Variants in CTSO observed in about 807,000 individuals in gnomAD.
The protein encoded by CTSO is cathepsin O.
A neutral mutation model predicts 42.4 loss-of-function variants in CTSO; 40 were observed. The ratio of observed to expected loss-of-function variants is 0.94; its 90% CI spans 0.73 to 1.23. The LOEUF is 1.23. CTSO is among the 50% of genes most tolerant of loss of function. The probability of loss-of-function intolerance (pLI) is 0.00; values close to 1 mark genes in which losing one functional copy is unlikely to be tolerated. For missense variants in CTSO, 441 were observed against 396.0 expected (o/e 1.11, Z -0.96); for synonymous variants, 156 against 146.2 (o/e 1.07, Z -0.48).
Position 155,929,567 on chromosome 4 carries a change from A to G in CTSO, c.813T>C (p.Val271=), listed in dbSNP as rs1167697432. The change falls in exon 6 of 8, where the codon GTT becomes GTC. Residue 271 remains valine, a synonymous_variant. Transcript: ENST00000433477. ...CTGTTTTATCAAACCCAGTTATGAGAACTGCATGATTTGCTTCTCCACTAG... is the reference window on the plus strand; with the variant it reads ...CTGTTTTATCAAACCCAGTTATGAGGACTGCATGATTTGCTTCTCCACTAG... The part of the protein sequence containing the change: ...HCSSGEANHA[V]LITGFDKTGS... 5.0e-6 allele frequency: 8 copies of G among 1,613,596 alleles called. No individual in the cohort carries two copies. In the South Asian group the frequency reaches 7.7e-5, roughly 16 times the overall value.
intron 5 of CTSO, among the ~76,000 whole-genome samples, chr4:155,935,865 A>G (rs1743320574): frequency 6.6e-6 from 1 of 152,202 alleles, no homozygotes; most frequent in Admixed American, 6.5e-5. Context: ...TTAATCTTCA[A>G]TATAAACAAG....
intron 3 of CTSO, 144 bp downstream of exon 3, chr4:155,942,173 T>G: frequency 1.6e-6 from 1 of 618,524 alleles, no homozygotes; most frequent in Non-Finnish European, 2.5e-6. Flanking sequence ...CCTCCAGAGA[T>G]TCTCTTTTCA....
chr4:155,927,507 C>T (rs1263872717), intron 7 of CTSO, among the ~76,000 whole-genome samples: 6 of 152,154 alleles, frequency 3.9e-5, no homozygotes, highest in South Asian at 2.1e-4. Context: ...TGGTGGCTCA[C>T]GCCTGTAATC....
Position 155,925,953 on chromosome 4 carries a change from T to C in CTSO, c.*83A>G. 2.5e-6 allele frequency: 3 copies of C among 1,201,476 alleles called. No individual in the cohort carries two copies. In the South Asian group the frequency reaches 4.1e-5, roughly 16 times the overall value. The allele number at this position is 1,201,476 out of a possible 1,614,324, so 74.4% of individuals were successfully genotyped here. A position where few individuals can be genotyped will look rare whatever the true frequency, so the allele number is the denominator to read the frequency against. Reference sequence around the variant, plus strand: ...TGTAGGTAGTTGCTGAAACTTGAAGTTGAATAATACTTTGAAGTACTATGT... The same window carrying C: ...TGTAGGTAGTTGCTGAAACTTGAAGCTGAATAATACTTTGAAGTACTATGT... On this transcript the variant is annotated 3_prime_UTR_variant, in exon 8 of 8. Coordinates refer to ENST00000433477, the MANE Select transcript of CTSO (RefSeq NM_001334.3).
chr4:155,936,021 A>G (rs1020926673), intron 5 of CTSO, among the ~76,000 whole-genome samples: 1 of 151,780 alleles, frequency 6.6e-6, no homozygotes, highest in African/African-American at 2.4e-5. Flanking sequence ...ATGATAAGGG[A>G]TTCCCTTAAT....
In CTSO at chr4:155,937,459, A is replaced by T. The variant is rs535640319; in HGVS notation, c.577T>A (p.Ser193Thr). 1 of 1,613,218 alleles carries T rather than the reference A, an allele frequency of 6.2e-7. No individual in the cohort carries two copies. The highest frequency in any genetic ancestry group is 1.1e-5 in the South Asian group (1 of 90,908). ...TTTTGTGCTTTAAAAGGATATTCTG[A>T]ATCTTTCACCAGTTTTACTTGCATC... is the stretch of plus-strand genomic sequence containing the variant. Reference protein sequence around the residue: ...NKMQVKLVKDSEYPFKAQNGL... With the variant: ...NKMQVKLVKDTEYPFKAQNGL... Residue 193 changes from serine to threonine, a missense_variant, in exon 5 of 8, where the codon TCA (serine) becomes ACA (threonine). Coordinates refer to ENST00000433477, the MANE Select transcript of CTSO (RefSeq NM_001334.3).
At chr4:155,944,052 T>C (rs1192686375) in intron 1 of CTSO, among the ~76,000 whole-genome samples, 2 of 152,226 alleles carry the variant, frequency 1.3e-5, no homozygotes, top group Admixed American at 6.5e-5. Context: ...TATGTACTTA[T>C]GTGTTTATTG....
chr4:155,935,793 T>G (rs1411072346), intron 5 of CTSO, among the ~76,000 whole-genome samples: 1 of 152,164 alleles, frequency 6.6e-6, no homozygotes, highest in Non-Finnish European at 1.5e-5. Context: ...AATGAATAAA[T>G]AAATCAAAGA....
intron 5 of CTSO, among the ~76,000 whole-genome samples, chr4:155,931,528 G>T (rs1743233518): frequency 6.6e-6 from 1 of 152,154 alleles, no homozygotes; most frequent in Admixed American, 6.5e-5. Flanking sequence ...GTCATAAGCA[G>T]AGGCAAATGT....
intron 1 of CTSO, among the ~76,000 whole-genome samples, chr4:155,950,159 AC>A (rs1224838054): frequency 6.6e-6 from 1 of 152,252 alleles, no homozygotes; most frequent in Admixed American, 6.5e-5. Context: ...GAGCATGTAC[AC>A]AAAAAGATTG....
intron 1 of CTSO, among the ~76,000 whole-genome samples, chr4:155,953,071 A>C (rs1396258886): frequency 1.3e-5 from 2 of 149,918 alleles, no homozygotes; most frequent in Non-Finnish European, 1.5e-5. Flanking sequence ...AATATTATAA[A>C]ATATAAATTA....
rs995640309 is a variant in CTSO, at chr4:155,935,347, C to T, written c.674+2015G>A. Among the ~76,000 whole-genome samples the T allele has an allele frequency of 1.1e-4, 17 of 152,140 alleles. 1 individual carries two copies. The highest frequency in any genetic ancestry group is 9.8e-4 in the Admixed American group (15 of 15,262). On this transcript the variant is annotated intron_variant, in intron 5 of 7. Transcript: ENST00000433477. ...CAGACTAATACAGGGACAGTATGAC[C>T]TCATCTCCTACTAGTCTTGTCTTTC... is the stretch of plus-strand genomic sequence containing the variant.
intron 5 of CTSO, among the ~76,000 whole-genome samples, chr4:155,933,592 C>G (rs1245077917): frequency 6.6e-6 from 1 of 152,162 alleles, no homozygotes; most frequent in African/African-American, 2.4e-5. Context: ...TTCCTAGAGA[C>G]TTGTCGAATG....
chr4:155,934,291 C>T (rs995425982), intron 5 of CTSO, among the ~76,000 whole-genome samples: 1 of 152,220 alleles, frequency 6.6e-6, no homozygotes, highest in African/African-American at 2.4e-5. Context: ...GAACCTCCAC[C>T]TAGATTTCAG....
chr4:155,943,678 T>C (rs896770592), intron 1 of CTSO, among the ~76,000 whole-genome samples: 3 of 152,166 alleles, frequency 2.0e-5, no homozygotes, highest in Non-Finnish European at 4.4e-5. Context: ...TCTTCACCTT[T>C]GTGTTTCCCG....
chr4:155,953,719 G>A lies in CTSO; in HGVS notation c.129C>T (p.Ala43=), dbSNP rs2110944342. The A allele has an allele frequency of 1.6e-6, 2 of 1,272,220 alleles. No individual in the cohort carries two copies. The highest frequency in any genetic ancestry group is 2.8e-5 in the South Asian group (1 of 36,088). The allele number at this position is 1,272,220 out of a possible 1,614,324, so 78.8% of individuals were successfully genotyped here. The part of the protein sequence containing the change: ...WPRSREREAA[A]FRESLNRHRY... Reference sequence around the variant, plus strand: ...GGAGGCGCGCGCTCGGTACCCGGAAGGCGGCGGCTTCACGCTCGCGGCTCC... The same window carrying A: ...GGAGGCGCGCGCTCGGTACCCGGAAAGCGGCGGCTTCACGCTCGCGGCTCC... The change falls in exon 1 of 8, where the codon GCC becomes GCT. Residue 43 remains alanine (A), a synonymous_variant. Coordinates refer to ENST00000433477, the MANE Select transcript of CTSO (RefSeq NM_001334.3).
chr4:155,948,384 TG>T (rs2110936183), intron 1 of CTSO, among the ~76,000 whole-genome samples: 1 of 151,734 alleles, frequency 6.6e-6, no homozygotes, highest in East Asian at 1.9e-4. Flanking sequence ...TGTGTGTGTG[TG>T]TGTGTGTGTG....
At chr4:155,944,565 G>C (rs1743506444) in intron 1 of CTSO, among the ~76,000 whole-genome samples, 1 of 152,128 alleles carries the variant, frequency 6.6e-6, no homozygotes, top group South Asian at 2.1e-4. Context: ...GAAAATGTAG[G>C]ATGTTAAGAA....
chr4:155,929,470 T>G (rs1743191614), intron 6 of CTSO, 72 bp downstream of exon 6: 1 of 1,450,954 alleles, frequency 6.9e-7, no homozygotes, highest in East Asian at 2.3e-5. Context: ...TTCAATGTTC[T>G]ACAGTATGGT....
Sources: allele counts gnomAD v4.1 joint callset (sites outside exome capture counted in the v4.1 genomes callset), GRCh38; gene constraint gnomAD v4.1.1; transcripts MANE v1.5; gene names NCBI Gene and HGNC (gene_info 2026-07-23, HGNC 2026-07-21).